Variants in PDZRN3 observed in about 807,000 individuals in gnomAD.
PDZRN3 encodes E3 ubiquitin-protein ligase PDZRN3.
Under a neutral mutation model 85.7 loss-of-function variants are expected in PDZRN3, and 38 were observed. The ratio of observed to expected loss-of-function variants is 0.44; its 90% CI spans 0.34 to 0.58. The LOEUF is 0.58. Among genes scored for constraint, PDZRN3 ranks in the 20% least tolerant of loss-of-function variants. PDZRN3 has a pLI of 0.01. For missense variants in PDZRN3, 1,629 were observed against 1,506.4 expected (o/e 1.08, Z -1.35); for synonymous variants, 759 against 638.0 (o/e 1.19, Z -2.86).
chr3:73,603,226 G>A (rs568977770), intron 2 of PDZRN3, among the ~76,000 whole-genome samples: 10 of 152,246 alleles, frequency 6.6e-5, no homozygotes, highest in African/African-American at 2.4e-4. Flanking sequence ...TTGTTCCGAT[G>A]CACTACCATC....
chr3:73,598,862 C>T (rs1702470325), intron 3 of PDZRN3, among the ~76,000 whole-genome samples: 1 of 152,226 alleles, frequency 6.6e-6, no homozygotes, highest in Admixed American at 6.5e-5. Context: ...ACCTCTACCT[C>T]AGTGATTGTC....
chr3:73,559,092 A>C lies in PDZRN3; in HGVS notation c.918+43262T>G, dbSNP rs542080699. ...CAGGCACACCAAGCAACTGGAACAC[A>C]CAGGCAGACACAATTAACCACAATT... On this transcript the variant is annotated intron_variant, in intron 3 of 9. Transcript: ENST00000263666. Among the ~76,000 whole-genome samples the C allele has an allele frequency of 1.0e-3, 154 of 152,282 alleles. 2 individuals are homozygous for C. Among genetic ancestry groups the C allele is most frequent in the African/African-American group, 3.5e-3 (147 of 41,568 alleles).
intron 3 of PDZRN3, among the ~76,000 whole-genome samples, chr3:73,592,677 T>A (rs1230101941): frequency 6.6e-6 from 1 of 152,068 alleles, no homozygotes; most frequent in Non-Finnish European, 1.5e-5. Context: ...CCAGCTGCTC[T>A]CCACCGTGAG....
intron 3 of PDZRN3, chr3:73,407,948 A>G: frequency 1.7e-6 from 1 of 590,576 alleles, no homozygotes; most frequent in Non-Finnish European, 3.0e-6. Flanking sequence ...AGCAACCCCA[A>G]AGGGAGAACT....
chr3:73,563,839 G>T (rs185029637), intron 3 of PDZRN3, among the ~76,000 whole-genome samples: 1 of 152,214 alleles, frequency 6.6e-6, no homozygotes, highest in Non-Finnish European at 1.5e-5. Flanking sequence ...CCCAGAGGGG[G>T]AAAACAATCT....
At chr3:73,591,104 G>T (rs1702351271) in intron 3 of PDZRN3, among the ~76,000 whole-genome samples, 1 of 151,980 alleles carries the variant, frequency 6.6e-6, no homozygotes, top group South Asian at 2.1e-4. Context: ...TTCTACAATG[G>T]TGTATTACAT....
At chr3:73,413,665 G>A (rs2106753998) in intron 3 of PDZRN3, among the ~76,000 whole-genome samples, 2 of 152,276 alleles carry the variant, frequency 1.3e-5, no homozygotes, top group Middle Eastern at 6.8e-3. Flanking sequence ...GACCTGGGCT[G>A]TAAAGCAAAG....
At chr3:73,623,250 A>T in intron 1 of PDZRN3, among the ~76,000 whole-genome samples, 1 of 152,214 alleles carries the variant, frequency 6.6e-6, no homozygotes. Flanking sequence ...AACCTTTCGC[A>T]CTGAGGGAAA....
At chr3:73,546,398 C>T (rs145620653) in intron 3 of PDZRN3, among the ~76,000 whole-genome samples, 102 of 152,336 alleles carry the variant, frequency 6.7e-4, no homozygotes, top group Admixed American at 1.5e-3. Context: ...TTCAAAGCCA[C>T]TTGAAAGTAC....
intron 3 of PDZRN3, among the ~76,000 whole-genome samples, chr3:73,485,320 T>A (rs1559703317): frequency 6.7e-6 from 1 of 149,130 alleles, no homozygotes; most frequent in African/African-American, 2.4e-5. Context: ...TATTTTATAA[T>A]ATTAATATTT....
intron 3 of PDZRN3, among the ~76,000 whole-genome samples, chr3:73,507,400 C>T (rs1160795234): frequency 6.6e-6 from 1 of 152,160 alleles, no homozygotes; most frequent in Non-Finnish European, 1.5e-5. Flanking sequence ...CAACTCCTGA[C>T]CTCAGGTGAT....
chr3:73,587,005 C>A (rs1702287412), intron 3 of PDZRN3, among the ~76,000 whole-genome samples: 1 of 152,202 alleles, frequency 6.6e-6, no homozygotes, highest in African/African-American at 2.4e-5. Flanking sequence ...TCAAATTTGA[C>A]TCCATTGTTT....
chr3:73,424,847 C>G (rs915333258), intron 3 of PDZRN3, among the ~76,000 whole-genome samples: 9 of 152,130 alleles, frequency 5.9e-5, no homozygotes, highest in African/African-American at 1.4e-4. Flanking sequence ...TTCATATTCA[C>G]TATATTGGAA....
rs548178813 is a variant in PDZRN3, at chr3:73,590,168, C to G, written c.918+12186G>C. ...CCTGTAATCCCAGCTACTTGGGGGG[C>G]TGAGGCACAAGAATCGCTTGAACCG... On this transcript the variant is annotated intron_variant, in intron 3 of 9. Coordinates refer to ENST00000263666, the MANE Select transcript of PDZRN3 (RefSeq NM_015009.3). 3.5e-4 allele frequency among the ~76,000 whole-genome samples: 50 copies of G among 141,674 alleles called. 1 individual carries two copies. The South Asian group carries it at 0.011, about 31-fold the overall frequency. 92.9% of individuals were successfully genotyped at this position (141,674 alleles called of 152,430 possible). A position where few individuals can be genotyped will look rare whatever the true frequency, so the allele number is the denominator to read the frequency against.
chr3:73,528,237 G>T (rs1291803081), intron 3 of PDZRN3, among the ~76,000 whole-genome samples: 3 of 152,210 alleles, frequency 2.0e-5, no homozygotes, highest in Non-Finnish European at 4.4e-5. Flanking sequence ...CCAACGCCCA[G>T]TCCTGCTTTA....
intron 5 of PDZRN3, 55 bp downstream of exon 5, chr3:73,400,867 G>C: frequency 8.3e-7 from 1 of 1,208,724 alleles, no homozygotes; most frequent in Non-Finnish European, 1.2e-6. Context: ...AACTTATTAG[G>C]CATTCTGTGT....
chr3:73,442,265 G>C (rs529621370), intron 3 of PDZRN3, among the ~76,000 whole-genome samples: 1 of 152,312 alleles, frequency 6.6e-6, no homozygotes, highest in South Asian at 2.1e-4. Flanking sequence ...GTGAACACTC[G>C]AGACAGAGGG....
chr3:73,420,406 C>T (rs1358216574), intron 3 of PDZRN3, among the ~76,000 whole-genome samples: 3 of 152,192 alleles, frequency 2.0e-5, no homozygotes, highest in Admixed American at 2.0e-4. Context: ...CAGTGGATGC[C>T]CCTACTTGGC....
intron 3 of PDZRN3, among the ~76,000 whole-genome samples, chr3:73,437,182 C>A (rs1326448665): frequency 6.6e-6 from 1 of 151,174 alleles, no homozygotes; most frequent in Non-Finnish European, 1.5e-5. Flanking sequence ...ATAGCAATAA[C>A]AAACCCATTA....
Sources: gnomAD v4.1 joint callset for allele counts (sites outside exome capture counted in the v4.1 genomes callset) on GRCh38, gnomAD v4.1.1 for gene constraint, MANE v1.5 for transcripts, NCBI Gene and HGNC (gene_info 2026-07-23, HGNC 2026-07-21) for gene names.